The following SMPDL3A variants were observed in gnomAD, a reference collection of about 807,000 sequenced individuals.
SMPDL3A encodes the protein sphingomyelin phosphodiesterase acid like 3A, also known as cyclic GMP-AMP phosphodiesterase SMPDL3A.
A neutral mutation model predicts 38.5 loss-of-function variants in SMPDL3A; 39 were observed. The observed-to-expected ratio is 1.01, with a 90% confidence interval of 0.78 to 1.32. The LOEUF is 1.32. Among genes scored for constraint, SMPDL3A ranks in the 40% most tolerant of loss-of-function variants. The pLI is 0.00. For synonymous variants in SMPDL3A, 180 were observed against 194.3 expected (o/e 0.93, Z 0.61); for missense variants, 502 against 536.2 (o/e 0.94, Z 0.63).
intron 3 of SMPDL3A, among the ~76,000 whole-genome samples, chr6:122,799,093 A>G (rs572456837): frequency 2.8e-4 from 43 of 152,214 alleles, no homozygotes; most frequent in Non-Finnish European, 4.8e-4. Flanking sequence ...TTCTATGTTC[A>G]TGCAGCATAG....
intron 1 of SMPDL3A, among the ~76,000 whole-genome samples, chr6:122,790,362 C>T (rs749767066): frequency 1.1e-4 from 16 of 152,170 alleles, no homozygotes; most frequent in Non-Finnish European, 1.6e-4. Context: ...ACAATGCCAT[C>T]CGAGCCTCCA....
rs758259096 is a variant in SMPDL3A at position 122,803,825 on chromosome 6, A to G, written c.730A>G (p.Lys244Glu). The change falls in exon 5 of 8, where the codon AAG (lysine) becomes GAG (glutamate). Residue 244 changes from lysine to glutamate, a missense_variant. Lys to Glu is a moderately conservative substitution (Grantham distance 56). Transcript: ENST00000368440. Reference sequence around the variant, plus strand: ...TACATTGAACAACTCTCAGCAGAATAAGGAGAAGGTAGATCCCATAGACCA... The same window carrying G: ...TACATTGAACAACTCTCAGCAGAATGAGGAGAAGGTAGATCCCATAGACCA... The part of the protein sequence containing the change: ...ESTLNNSQQN[K>E]EKVYIIAHVP... The G allele has an allele frequency of 6.2e-7, 1 of 1,613,830 alleles. No individual in the cohort carries two copies. The highest frequency in any genetic ancestry group is 1.7e-5 in the Admixed American group (1 of 59,984).
At position 122,803,731 on chromosome 6, in the gene SMPDL3A, G is replaced by A. The variant is rs1417496981; in HGVS notation, c.636G>A (p.Leu212=). The change falls in exon 5 of 8, where the codon TTG becomes TTA. Residue 212 remains leucine, a synonymous_variant. Coordinates refer to ENST00000368440, the MANE Select transcript of SMPDL3A (RefSeq NM_006714.5). The part of the protein sequence containing the change: ...NLRIISLNTN[L]YYGPNIMTLN... ...GGATCATCAGTCTAAACACAAACTT[G>A]TACTACGGCCCAAATATAATGACAC... 2 of 1,613,972 alleles carry A rather than the reference G, an allele frequency of 1.2e-6. No individual in the cohort carries two copies. The highest frequency in any genetic ancestry group is 2.2e-5 in the South Asian group (2 of 91,082).
intron 7 of SMPDL3A, among the ~76,000 whole-genome samples, chr6:122,808,113 CACA>C (rs1226038937): frequency 3.3e-5 from 5 of 152,044 alleles, no homozygotes; most frequent in Non-Finnish European, 5.9e-5. Flanking sequence ...TTTCTTAAAA[CACA>C]ACAACATATA....
At chr6:122,791,679 A>C (rs548066896) in intron 1 of SMPDL3A, among the ~76,000 whole-genome samples, 2 of 152,098 alleles carry the variant, frequency 1.3e-5, no homozygotes, top group South Asian at 4.1e-4. Flanking sequence ...TCTTTTTAAA[A>C]ATTTATTTTA....
At chr6:122,794,601 A>C (rs982312579) in intron 1 of SMPDL3A, among the ~76,000 whole-genome samples, 14 of 152,306 alleles carry the variant, frequency 9.2e-5, no homozygotes, top group African/African-American at 3.4e-4. Flanking sequence ...CATCTCAAAA[A>C]AAACACACAC....
At chr6:122,795,145 C>T (rs1252123927) in intron 1 of SMPDL3A, among the ~76,000 whole-genome samples, 1 of 151,830 alleles carries the variant, frequency 6.6e-6, no homozygotes, top group Non-Finnish European at 1.5e-5. Context: ...CTGAGCTCAT[C>T]GGTTCTTTTT....
chr6:122,807,167 C>T (rs541729989), intron 7 of SMPDL3A, among the ~76,000 whole-genome samples: 2 of 152,048 alleles, frequency 1.3e-5, no homozygotes, highest in East Asian at 1.9e-4. Flanking sequence ...TTCCAAATTG[C>T]TGGTATTACA....
chr6:122,803,589 C>T, intron 4 of SMPDL3A, 75 bp from the exon 5 acceptor site: 1 of 1,112,634 alleles, frequency 9.0e-7, no homozygotes, highest in Non-Finnish European at 1.3e-6. Context: ...GATTGTAAAC[C>T]TCAGGAATTT....
chr6:122,797,559 A>G (rs1222356355), intron 3 of SMPDL3A, among the ~76,000 whole-genome samples: 1 of 152,176 alleles, frequency 6.6e-6, no homozygotes, highest in Admixed American at 6.5e-5. Flanking sequence ...TTTATTTGAG[A>G]ACCAACCTGT....
At chr6:122,797,518 A>C (rs1781289565) in intron 3 of SMPDL3A, among the ~76,000 whole-genome samples, 1 of 152,202 alleles carries the variant, frequency 6.6e-6, no homozygotes, top group African/African-American at 2.4e-5. Context: ...CAGAGCATTT[A>C]ATGCCTGAGA....
At chr6:122,807,081 TGG>T (rs112687449) in intron 7 of SMPDL3A, among the ~76,000 whole-genome samples, 12,063 of 140,248 alleles carry the variant, frequency 0.086, 553 homozygotes, top group South Asian at 0.16. Flanking sequence ...ATTGTAGAGA[TGG>T]GGGGGGGGGG....
In SMPDL3A at chr6:122,809,651, T is replaced by TA; in HGVS notation, c.*245dup. On this transcript the variant is annotated 3_prime_UTR_variant, in exon 8 of 8. Coordinates refer to ENST00000368440, the MANE Select transcript of SMPDL3A (RefSeq NM_006714.5). ...ATTGGATGTAAATATTCAGTTTATA[T>TA]AATTATATCTAATTTGTACCCTTGT... The TA allele has an allele frequency of 3.2e-6, 1 of 309,350 alleles. No homozygotes were observed. Among genetic ancestry groups the TA allele is most frequent in the Non-Finnish European group, 5.9e-6 (1 of 168,966 alleles). The allele number at this position is 309,350 out of a possible 1,614,324, so 19.2% of individuals were successfully genotyped here.
chr6:122,808,318 A>ACT (rs1429787401), intron 7 of SMPDL3A, among the ~76,000 whole-genome samples: 1 of 152,118 alleles, frequency 6.6e-6, no homozygotes, highest in Non-Finnish European at 1.5e-5. Flanking sequence ...TGACAGAAAT[A>ACT]CTCACATCAT....
At chr6:122,800,460 T>C (rs1781392131) in intron 3 of SMPDL3A, among the ~76,000 whole-genome samples, 1 of 152,200 alleles carries the variant, frequency 6.6e-6, no homozygotes, top group Non-Finnish European at 1.5e-5. Flanking sequence ...CATCGGGCAG[T>C]GCATGTGCAG....
At position 122,789,336 on chromosome 6, in the gene SMPDL3A, C is replaced by G; in HGVS notation, c.-11C>G. On this transcript the variant is annotated 5_prime_UTR_variant, in exon 1 of 8. Coordinates refer to ENST00000368440, the MANE Select transcript of SMPDL3A (RefSeq NM_006714.5). ...ACAGCCCGAACCTCCAGGTCAGCCC[C>G]GCGGCCCTCCATGGCGCTGGTGCGC... 4 of 1,538,204 alleles carry G rather than the reference C, an allele frequency of 2.6e-6. No individual in the cohort carries two copies. The highest frequency in any genetic ancestry group is 2.6e-6 in the Non-Finnish European group (3 of 1,141,698).
At chr6:122,803,399 T>C (rs1360746408) in intron 4 of SMPDL3A, among the ~76,000 whole-genome samples, 1 of 152,236 alleles carries the variant, frequency 6.6e-6, no homozygotes, top group African/African-American at 2.4e-5. Flanking sequence ...AACACTTATT[T>C]ATCTTTTCAT....
At position 122,808,621 on chromosome 6, in the gene SMPDL3A, T is replaced by C. The variant is rs150228861; in HGVS notation, c.1045-470T>C. Among the ~76,000 whole-genome samples, 857 of 99,484 alleles carry C rather than the reference T, an allele frequency of 8.6e-3. 8 individuals carry two copies. The highest frequency in any genetic ancestry group is 0.014 in the South Asian group (27 of 1,914). The allele number at this position is 99,484 out of a possible 152,430, so 65.3% of individuals were successfully genotyped here. ...TCCCTCCCTCCCTCCCTTCCTTCCT[T>C]CCTTCCTTCCTTCCTTCCTTCCCCC... On this transcript the variant is annotated intron_variant, in intron 7 of 7. Coordinates refer to ENST00000368440, the MANE Select transcript of SMPDL3A (RefSeq NM_006714.5).
At position 122,809,085 on chromosome 6, in the gene SMPDL3A, C is replaced by G. The variant is rs1452809219; in HGVS notation, c.1045-6C>G. The G allele has an allele frequency of 6.2e-7, 1 of 1,610,904 alleles. No homozygotes were observed. The highest frequency in any genetic ancestry group is 1.3e-5 in the African/African-American group (1 of 74,816). On this transcript the variant is annotated splice_region_variant and splice_polypyrimidine_tract_variant and intron_variant, in intron 7 of 7. Coordinates refer to ENST00000368440, the MANE Select transcript of SMPDL3A (RefSeq NM_006714.5). ...AACCAGGTTTTGTTACTGTTCTTAA[C>G]TGCAGGATATGTTGCAGTATTACTT...
Sources: allele counts gnomAD v4.1 joint callset (sites outside exome capture counted in the v4.1 genomes callset), GRCh38; gene constraint gnomAD v4.1.1; transcripts MANE v1.5; gene names NCBI Gene and HGNC (gene_info 2026-07-23, HGNC 2026-07-21).